Variants in SIPA1 observed in about 807,000 individuals in gnomAD.
The protein encoded by SIPA1 is signal-induced proliferation-associated protein 1.
SIPA1 carries 51 observed loss-of-function variants against 88.1 expected under a neutral mutation model. The observed-to-expected ratio is 0.58, with a 90% confidence interval of 0.46 to 0.73. SIPA1 has a LOEUF of 0.73. SIPA1 is among the 30% of genes least tolerant of loss of function. SIPA1 has a pLI of 0.00. For missense variants in SIPA1, 1,348 were observed against 1,467.6 expected, an observed-to-expected ratio of 0.92 and a Z score of 1.33; for synonymous variants, 681 against 664.8, an observed-to-expected ratio of 1.02 and a Z score of -0.37.
At position 65,650,765 on chromosome 11, in the gene SIPA1, C is replaced by T. The variant is rs1856255591; in HGVS notation, c.*50C>T. ...TGAGGGCACTGTGGTCACACTGGGCCCTCCTCAGGAACTCTCCCTGCGCAG... is the reference window on the plus strand; with the variant it reads ...TGAGGGCACTGTGGTCACACTGGGCTCTCCTCAGGAACTCTCCCTGCGCAG... On this transcript the variant is annotated 3_prime_UTR_variant, in exon 16 of 16. Coordinates refer to ENST00000534313, the MANE Select transcript of SIPA1 (RefSeq NM_006747.4). The T allele has an allele frequency of 1.3e-6, 2 of 1,487,546 alleles. No individual in the cohort carries two copies. Among genetic ancestry groups the T allele is most frequent in the African/African-American group, 1.4e-5 (1 of 71,544 alleles). The allele number at this position is 1,487,546 out of a possible 1,614,324, so 92.1% of individuals were successfully genotyped here.
rs771348334 is a variant in SIPA1, at chr11:65,649,839, T to C, written c.2720T>C (p.Leu907Ser). Residue 907 changes from leucine (L) to serine (S), a missense_variant, in exon 12 of 16, where the codon TTG becomes TCG. Physicochemically the swap from Leu to Ser is moderately radical, Grantham distance 145. This residue lies in a region of SIPA1 where 615 missense variants were observed against 559.8 expected (regional missense o/e 1.10). Transcript: ENST00000534313. ...AGGGCCTCCTTTCTGCCACGTACCT[T>C]GTCTCTGCGGAACTCCATCAGCAGG... ...ELRASFLPRTLSLRNSISRIM... is the reference protein window; with the variant it reads ...ELRASFLPRTSSLRNSISRIM... 2 of 1,613,906 alleles carry C rather than the reference T, an allele frequency of 1.2e-6. No individual in the cohort carries two copies. Among genetic ancestry groups the C allele is most frequent in the Admixed American group, 1.7e-5 (1 of 59,994 alleles).
chr11:65,647,682 A>G, intron 9 of SIPA1, 24 bp downstream of exon 9: 1 of 1,324,436 alleles, frequency 7.6e-7, no homozygotes, highest in Non-Finnish European at 9.6e-7. Context: ...GGACGCGGGG[A>G]GGTGGGAGGG....
Position 65,642,046 on chromosome 11 carries a change from C to T in SIPA1, c.680-204C>T, listed in dbSNP as rs1433144025. On this transcript the variant is annotated intron_variant, in intron 2 of 15. Coordinates refer to ENST00000534313, the MANE Select transcript of SIPA1 (RefSeq NM_006747.4). The surrounding 1 kb of genome is among the most constrained non-coding windows in gnomAD (Gnocchi z 6.5). ...AGGCCTGGGAGCTGGCCGCGTGGGT[C>T]TAGGTCTGGGTCTGGGTCCACCTCT... 1.4e-6 allele frequency: 1 copy of T among 696,268 alleles called. No homozygotes were observed. The highest frequency in any genetic ancestry group is 2.3e-6 in the Non-Finnish European group (1 of 433,674). The allele number at this position is 696,268 out of a possible 1,614,324, so 43.1% of individuals were successfully genotyped here. A position where few individuals can be genotyped will look rare whatever the true frequency, so the allele number is the denominator to read the frequency against.
At position 65,642,344 on chromosome 11, in the gene SIPA1, G is replaced by T. The variant is rs1856022284; in HGVS notation, c.774G>T (p.Leu258=). ...EEKEGSGGGT[L]HSYRVIVRTT... ...AGGAGGGCAGCGGAGGGGGCACCCT[G>T]CACAGCTACCGCGTCATCGTGCGGA... is the stretch of plus-strand genomic sequence containing the variant. The change falls in exon 3 of 16, where the codon CTG becomes CTT. Residue 258 remains leucine, a synonymous_variant. Transcript: ENST00000534313. The surrounding 1 kb of genome is among the most constrained non-coding windows in gnomAD (Gnocchi z 6.5). The T allele has an allele frequency of 1.6e-5, 25 of 1,565,456 alleles. 1 individual carries two copies. In the East Asian group the frequency reaches 5.4e-4, roughly 34 times the overall value.
rs1214322197 is a variant in SIPA1 at position 65,639,626 on chromosome 11, C to T, written c.-91-1205C>T. On this transcript the variant is annotated intron_variant, in intron 1 of 15. Coordinates refer to ENST00000534313, the MANE Select transcript of SIPA1 (RefSeq NM_006747.4). The stretch of plus-strand genomic sequence containing the variant: ...CTGCATGAAGACCCACCATTAGATG[C>T]CTGTACCCCCAGTGGAGGTTCCCCA... Among the ~76,000 whole-genome samples, 7 of 152,050 alleles carry T rather than the reference C, an allele frequency of 4.6e-5. No homozygotes were observed. The South Asian group carries it at 1.5e-3, about 32-fold the overall frequency.
In SIPA1 at chr11:65,646,687, G is replaced by C; in HGVS notation, c.1653G>C (p.Ser551=). Reference sequence around the variant, plus strand: ...AGGTGACCACTACGTCGCTGGACTCGGCTTCACGCTTCGGCCTGCCCTCCC... The same window carrying C: ...AGGTGACCACTACGTCGCTGGACTCCGCTTCACGCTTCGGCCTGCCCTCCC... ...TNEVTTTSLD[S]ASRFGLPSLG... Residue 551 remains serine, a synonymous_variant, in exon 8 of 16, where the codon TCG becomes TCC. Coordinates refer to ENST00000534313, the MANE Select transcript of SIPA1 (RefSeq NM_006747.4). The surrounding 1 kb of genome is among the most constrained non-coding windows in gnomAD (Gnocchi z 7.5). The C allele has an allele frequency of 6.5e-7, 1 of 1,542,722 alleles. No homozygotes were observed. The highest frequency in any genetic ancestry group is 2.4e-5 in the East Asian group (1 of 40,898).
Position 65,645,901 on chromosome 11 carries a change from G to A in SIPA1, c.1207G>A (p.Glu403Lys), listed in dbSNP as rs751071927. ...CCTCTACACCACATACCAGGACCAC[G>A]AGATCATGTTCCACGTGTCCACGAT... ...HSLYTTYQDHEIMFHVSTMLP... is the reference protein window; with the variant it reads ...HSLYTTYQDHKIMFHVSTMLP... The change falls in exon 6 of 16, where the codon GAG becomes AAG. Residue 403 changes from glutamate to lysine, a missense_variant. Glu to Lys is a moderately conservative substitution (Grantham distance 56, BLOSUM62 1). This residue lies in a region of SIPA1 where 641 missense variants were observed against 797.7 expected (regional missense o/e 0.80). Transcript: ENST00000534313. The A allele has an allele frequency of 5.0e-6, 8 of 1,613,610 alleles. No homozygotes were observed. Among genetic ancestry groups the A allele is most frequent in the African/African-American group, 2.7e-5 (2 of 74,886 alleles).
Position 65,647,543 on chromosome 11 carries a change from G to C in SIPA1, c.2191G>C (p.Val731Leu), listed in dbSNP as rs1220974134. Residue 731 changes from valine (V) to leucine (L), a missense_variant, in exon 9 of 16, where the codon GTG becomes CTG. Physicochemically the swap from Val to Leu is conservative, Grantham distance 32 (BLOSUM62 1). Around this residue, in one of 4 missense-constraint regions of SIPA1, gnomAD observed 615 missense variants for 559.8 expected, o/e 1.10. Transcript: ENST00000534313. ...GCGGCCCGGGGCGCGCCTCCTGCGC[G>C]TGTGCGGCCAGACTCTGCCCAGCCT... ...GLRPGARLLRVCGQTLPSLRP... is the reference protein window; with the variant it reads ...GLRPGARLLRLCGQTLPSLRP... The C allele has an allele frequency of 1.5e-6, 2 of 1,338,058 alleles. No individual in the cohort carries two copies. The highest frequency in any genetic ancestry group is 1.9e-6 in the Non-Finnish European group (2 of 1,047,454). 82.9% of individuals were successfully genotyped at this position (1,338,058 alleles called of 1,614,324 possible). A position where few individuals can be genotyped will look rare whatever the true frequency, so the allele number is the denominator to read the frequency against.
intron 9 of SIPA1, among the ~76,000 whole-genome samples, chr11:65,648,092 C>G (rs958476900): frequency 1.3e-5 from 2 of 152,048 alleles, no homozygotes; most frequent in East Asian, 3.9e-4. Flanking sequence ...AGGCTGGTCT[C>G]GAACTCCTGA....
intron 9 of SIPA1, among the ~76,000 whole-genome samples, chr11:65,648,533 G>T (rs1856183707): frequency 6.6e-6 from 1 of 152,108 alleles, no homozygotes; most frequent in Non-Finnish European, 1.5e-5. Flanking sequence ...TTTTCCACTA[G>T]TTAAAAATGT....
chr11:65,650,561 C>T lies in SIPA1; in HGVS notation c.2983-8C>T. 3.1e-6 allele frequency: 5 copies of T among 1,608,014 alleles called. No individual in the cohort carries two copies. Among genetic ancestry groups the T allele is most frequent in the Non-Finnish European group, 4.2e-6 (5 of 1,176,932 alleles). ...GCGGCTCTGACTCCTGTCTCCCCGG[C>T]ACCCCAGGAGAAGGCGGACAGGGCG... On this transcript the variant is annotated splice_region_variant and splice_polypyrimidine_tract_variant and intron_variant, in intron 15 of 15. Transcript: ENST00000534313.
At position 65,650,129 on chromosome 11, in the gene SIPA1, T is replaced by A; in HGVS notation, c.2849-9T>A. The stretch of plus-strand genomic sequence containing the variant: ...CTGACCTGCCCACCTGATCCCTTTG[T>A]CCCCACAGGACAGCCCATCCCAGAG... On this transcript the variant is annotated splice_polypyrimidine_tract_variant and intron_variant, in intron 13 of 15. Coordinates refer to ENST00000534313, the MANE Select transcript of SIPA1 (RefSeq NM_006747.4). 6.2e-7 allele frequency: 1 copy of A among 1,613,786 alleles called. No homozygotes were observed.
chr11:65,646,132 C>T lies in SIPA1; in HGVS notation c.1264-89C>T. On this transcript the variant is annotated intron_variant, in intron 6 of 15. Transcript: ENST00000534313. This position sits in a 1 kb window ranked among gnomAD's most constrained non-coding sequence, Gnocchi z 7.5. The stretch of plus-strand genomic sequence containing the variant: ...TCTTCACCAGGGGCAGTGGGGGAGC[C>T]ATTGGTGCCTTGGCTTTCTCCTGCC... 6.7e-7 allele frequency: 1 copy of T among 1,485,120 alleles called. No homozygotes were observed. The allele number at this position is 1,485,120 out of a possible 1,614,324, so 92.0% of individuals were successfully genotyped here.
At position 65,649,684 on chromosome 11, in the gene SIPA1, C is replaced by G; in HGVS notation, c.2637+12C>G. On this transcript the variant is annotated intron_variant, in intron 11 of 15. Coordinates refer to ENST00000534313, the MANE Select transcript of SIPA1 (RefSeq NM_006747.4). ...CACCCCTGACCCAGGTGAGCAGAAACCAGGCTCTGGAGCCCAACAGCACAG... is the reference window on the plus strand; with the variant it reads ...CACCCCTGACCCAGGTGAGCAGAAAGCAGGCTCTGGAGCCCAACAGCACAG... 7.4e-6 allele frequency: 12 copies of G among 1,614,086 alleles called. No homozygotes were observed. The highest frequency in any genetic ancestry group is 1.0e-5 in the Non-Finnish European group (12 of 1,180,034).
Position 65,650,151 on chromosome 11 carries a change from A to T in SIPA1, c.2862A>T (p.Pro954=), listed in dbSNP as rs1284255329. The T allele has an allele frequency of 6.2e-7, 1 of 1,614,026 alleles. No individual in the cohort carries two copies. The highest frequency in any genetic ancestry group is 1.1e-5 in the South Asian group (1 of 91,068). Residue 954 remains proline, a synonymous_variant, in exon 14 of 16, where the codon CCA becomes CCT. Transcript: ENST00000534313. The part of the protein sequence containing the change: ...ESLSREGQPI[P]ESGDPKGTPK... ...TTGTCCCCACAGGACAGCCCATCCCAGAGAGTGGAGACCCTAAGGGAACTC... is the reference window on the plus strand; with the variant it reads ...TTGTCCCCACAGGACAGCCCATCCCTGAGAGTGGAGACCCTAAGGGAACTC...
intron 9 of SIPA1, chr11:65,649,042 A>T: frequency 2.0e-6 from 1 of 501,584 alleles, no homozygotes; most frequent in Admixed American, 3.6e-5. Flanking sequence ...GGAGAAATTG[A>T]TGTTCAGAGT....
chr11:65,646,197 G>T lies in SIPA1; in HGVS notation c.1264-24G>T. On this transcript the variant is annotated intron_variant, in intron 6 of 15. Coordinates refer to ENST00000534313, the MANE Select transcript of SIPA1 (RefSeq NM_006747.4). The surrounding 1 kb of genome is among the most constrained non-coding windows in gnomAD (Gnocchi z 7.5). Reference sequence around the variant, plus strand: ...TTTGGGGCACAGAAGACCTCATCACGAGCCCCTACTATCCAACCCCTAGCT... The same window carrying T: ...TTTGGGGCACAGAAGACCTCATCACTAGCCCCTACTATCCAACCCCTAGCT... 6.2e-7 allele frequency: 1 copy of T among 1,611,848 alleles called. No homozygotes were observed.
Position 65,649,359 on chromosome 11 carries a change from C to G in SIPA1, c.2404C>G (p.Pro802Ala). The G allele has an allele frequency of 6.4e-7, 1 of 1,565,684 alleles. No homozygotes were observed. Among genetic ancestry groups the G allele is most frequent in the Non-Finnish European group, 8.7e-7 (1 of 1,155,018 alleles). The change falls in exon 10 of 16, where the codon CCC becomes GCC. Residue 802 changes from proline (P) to alanine (A), a missense_variant. By Grantham distance (27) the Pro-to-Ala change is conservative (BLOSUM62 -1). Transcript: ENST00000534313. Reference protein sequence around the residue: ...QDEVQGVTLLPTTKQLLHLCL... With the variant: ...QDEVQGVTLLATTKQLLHLCL... The stretch of plus-strand genomic sequence containing the variant: ...TGAGGTCCAGGGGGTGACCCTGCTG[C>G]CCACCACAAAGCAGCTGCTGCACCT...
rs1417716274 is a variant in SIPA1 at position 65,641,483 on chromosome 11, G to T, written c.562G>T (p.Ala188Ser). 10 of 1,612,158 alleles carry T rather than the reference G, an allele frequency of 6.2e-6. No individual in the cohort carries two copies. The highest frequency in any genetic ancestry group is 7.6e-6 in the Non-Finnish European group (9 of 1,179,996). Residue 188 changes from alanine to serine, a missense_variant, in exon 2 of 16, where the codon GCA becomes TCA. Ala to Ser is a moderately conservative substitution (Grantham distance 99). Coordinates refer to ENST00000534313, the MANE Select transcript of SIPA1 (RefSeq NM_006747.4). ...GGPASPPVPPALPNAAVSILE... is the reference protein window; with the variant it reads ...GGPASPPVPPSLPNAAVSILE... ...ACCAGCATCCCCACCTGTGCCCCCT[G>T]CACTGCCCAACGCGGCCGTGTCCAT...
Sources: allele counts gnomAD v4.1 joint callset (sites outside exome capture counted in the v4.1 genomes callset), GRCh38; gene constraint gnomAD v4.1.1; regional missense constraint gnomAD v4.1.1; non-coding constraint Gnocchi (gnomAD v3.1); transcripts MANE v1.5; gene names NCBI Gene and HGNC (gene_info 2026-07-23, HGNC 2026-07-21).